The following IGBP1 variants were observed in gnomAD, a reference collection of about 807,000 sequenced individuals.
IGBP1 encodes the protein immunoglobulin-binding protein 1.
In IGBP1, 2 loss-of-function variants were observed where a neutral mutation model predicts 25.9. The observed-to-expected ratio is 0.08, with a 90% CI of 0.03 to 0.24. The LOEUF (loss-of-function observed/expected upper bound fraction) is 0.24, where lower values mean the gene tolerates loss of function less well. IGBP1 is among the 10% of genes least tolerant of loss of function. The probability of loss-of-function intolerance (pLI) is 1.00; values close to 1 mark genes in which losing one functional copy is unlikely to be tolerated. For synonymous variants in IGBP1, 96 were observed against 93.4 expected, an observed-to-expected ratio of 1.03 and a Z score of -0.16; for missense variants, 187 against 260.4, an observed-to-expected ratio of 0.72 and a Z score of 1.94.
intron 3 of IGBP1, 114 bp downstream of exon 3, chrX:70,134,930 T>C (rs1423488314): frequency 4.1e-6 from 3 of 733,114 alleles, no homozygotes; most frequent in Non-Finnish European, 6.3e-6. Context: ...TTGGTTCTTA[T>C]TGAGCATAGG....
chrX:70,152,249 A>G (rs1457807120), intron 6 of IGBP1, among the ~76,000 whole-genome samples: 1 of 111,771 alleles, frequency 8.9e-6, no homozygotes, highest in Admixed American at 9.5e-5. Flanking sequence ...CATGCACAGA[A>G]TGGACTCTTA....
At chrX:70,151,734 C>T (rs1267644869) in intron 6 of IGBP1, among the ~76,000 whole-genome samples, 4 of 109,699 alleles carry the variant, frequency 3.6e-5, no homozygotes, top group East Asian at 2.9e-4. Context: ...AAAAACCAGC[C>T]GAGCGTAGTG....
chrX:70,150,754 G>A (rs2085197763), intron 6 of IGBP1, among the ~76,000 whole-genome samples: 1 of 112,058 alleles, frequency 8.9e-6, no homozygotes, highest in Non-Finnish European at 1.9e-5. Flanking sequence ...CACTTAGAAG[G>A]AGGAAATGAT....
intron 4 of IGBP1, 91 bp from the exon 5 acceptor site, chrX:70,148,670 A>G: frequency 3.3e-6 from 2 of 604,560 alleles, no homozygotes. Context: ...TTTTGAATCC[A>G]GAGCTTTTCA....
intron 6 of IGBP1, among the ~76,000 whole-genome samples, chrX:70,156,819 A>T (rs1364258477): frequency 3.6e-5 from 4 of 111,448 alleles, no homozygotes; most frequent in Non-Finnish European, 7.5e-5. Flanking sequence ...GGGCGCCTGT[A>T]ATCCCAGCTA....
chrX:70,144,624 A>G (rs1262224959), intron 3 of IGBP1, among the ~76,000 whole-genome samples: 2 of 103,713 alleles, frequency 1.9e-5, no homozygotes, highest in African/African-American at 7.2e-5. Context: ...TTTTTATAAT[A>G]GCCTTTTCAG....
At chrX:70,154,714 CAAAAA>C (rs762954223) in intron 6 of IGBP1, among the ~76,000 whole-genome samples, 11 of 27,104 alleles carry the variant, frequency 4.1e-4, no homozygotes, top group East Asian at 2.7e-3. Context: ...CCCCTCTCCA[CAAAAA>C]AAAAAAAAAA....
intron 3 of IGBP1, among the ~76,000 whole-genome samples, chrX:70,143,261 C>T (rs1210146858): frequency 3.6e-5 from 4 of 111,261 alleles, no homozygotes; most frequent in East Asian, 2.8e-4. Flanking sequence ...CTCGAACTCC[C>T]GACCTCAGGC....
chrX:70,150,359 G>T, intron 6 of IGBP1, 37 bp downstream of exon 6: 1 of 854,416 alleles, frequency 1.2e-6, no homozygotes, highest in South Asian at 2.0e-5. Context: ...TGTACCACTG[G>T]TCTTTTACTC....
rs779183476 is a variant in IGBP1, at chrX:70,143,798, G to A, written c.483-2835G>A. Among the ~76,000 whole-genome samples the A allele has an allele frequency of 2.7e-5, 3 of 112,085 alleles. No homozygotes were observed. The Admixed American group carries it at 2.8e-4, about 11-fold the overall frequency. On this transcript the variant is annotated intron_variant, in intron 3 of 6. Transcript: ENST00000356413. ...AAATTTTACTTGTTTATTAATTATGGGAGTTCCGTGGCATCTCTCATTAGA... is the reference window on the plus strand; with the variant it reads ...AAATTTTACTTGTTTATTAATTATGAGAGTTCCGTGGCATCTCTCATTAGA...
At chrX:70,135,059 T>G (rs950325720) in intron 3 of IGBP1, among the ~76,000 whole-genome samples, 2 of 112,499 alleles carry the variant, frequency 1.8e-5, no homozygotes, top group Non-Finnish European at 3.8e-5. Flanking sequence ...CAATGTAGTT[T>G]AGCAGAGTGT....
Position 70,133,708 on chromosome X carries a change from G to C in IGBP1, c.-225-15G>C, listed in dbSNP as rs188550469. On this transcript the variant is annotated splice_polypyrimidine_tract_variant and intron_variant, in intron 1 of 6. Transcript: ENST00000356413. ...ACAGCGCCTAGGGTTTTGCTTGTTTGTTTGCTTTTAACAGATGCCTACGAC... is the reference window on the plus strand; with the variant it reads ...ACAGCGCCTAGGGTTTTGCTTGTTTCTTTGCTTTTAACAGATGCCTACGAC... 2.3e-6 allele frequency: 1 copy of C among 436,802 alleles called. No homozygotes were observed. Among genetic ancestry groups the C allele is most frequent in the African/African-American group, 2.5e-5 (1 of 40,469 alleles). The allele number at this position is 436,802 out of a possible 1,213,427, so 36.0% of individuals were successfully genotyped here.
chrX:70,143,659 G>A (rs1443626038), intron 3 of IGBP1, among the ~76,000 whole-genome samples: 1 of 98,393 alleles, frequency 1.0e-5, no homozygotes, highest in African/African-American at 3.7e-5. Context: ...CCATAACAGT[G>A]ATGAAGGTCT....
At chrX:70,148,208 C>T (rs777586207) in intron 4 of IGBP1, among the ~76,000 whole-genome samples, 3 of 112,211 alleles carry the variant, frequency 2.7e-5, no homozygotes, top group Non-Finnish European at 5.6e-5. Context: ...TTTGTTTCAG[C>T]ATGCCCCTAG....
chrX:70,159,960 C>T (rs1188900138), intron 6 of IGBP1, among the ~76,000 whole-genome samples: 1 of 111,522 alleles, frequency 9.0e-6, no homozygotes, highest in East Asian at 2.8e-4. Flanking sequence ...GCTCAGACCC[C>T]GGAGGGCTGG....
chrX:70,139,174 G>C (rs1454651726), intron 3 of IGBP1, among the ~76,000 whole-genome samples: 1 of 110,651 alleles, frequency 9.0e-6, no homozygotes, highest in Non-Finnish European at 1.9e-5. Flanking sequence ...GCCAGGCATG[G>C]TGGCGGGTGC....
At chrX:70,142,927 T>TG (rs1169371674) in intron 3 of IGBP1, among the ~76,000 whole-genome samples, 1 of 98,470 alleles carries the variant, frequency 1.0e-5, no homozygotes, top group Non-Finnish European at 2.1e-5. Flanking sequence ...TTTTTTTTTT[T>TG]TTTTTTTTTT....
chrX:70,157,079 AAT>A (rs1387811560), intron 6 of IGBP1, among the ~76,000 whole-genome samples: 1 of 112,406 alleles, frequency 8.9e-6, no homozygotes, highest in African/African-American at 3.2e-5. Flanking sequence ...GTACACAATA[AAT>A]ATGTTTGCCC....
In IGBP1 at chrX:70,165,875, A is replaced by G. The variant is rs200686056; in HGVS notation, c.914A>G (p.Glu305Gly). 28 of 1,206,936 alleles carry G rather than the reference A, an allele frequency of 2.3e-5. No individual in the cohort carries two copies. The highest frequency in any genetic ancestry group is 3.0e-5 in the Non-Finnish European group (27 of 893,318). ...GCTCAGCAACAGGAAGAACAAGAAG[A>G]AAAGGAGGAAGAGGATGATGAACAA... ...KAAQQQEEQEEKEEEDDEQTL... is the reference protein window; with the variant it reads ...KAAQQQEEQEGKEEEDDEQTL... The change falls in exon 7 of 7, where the codon GAA (glutamate) becomes GGA (glycine). Residue 305 changes from glutamate to glycine, a missense_variant. Physicochemically the swap from Glu to Gly is moderately conservative, Grantham distance 98. Coordinates refer to ENST00000356413, the MANE Select transcript of IGBP1 (RefSeq NM_001551.3).
Sources: gnomAD v4.1 joint callset for allele counts (sites outside exome capture counted in the v4.1 genomes callset) on GRCh38, gnomAD v4.1.1 for gene constraint, MANE v1.5 for transcripts, NCBI Gene and HGNC (gene_info 2026-07-23, HGNC 2026-07-21) for gene names.